GLB1: variants seen among roughly 807,000 people sequenced by gnomAD.
GLB1 encodes galactosidase beta 1.
GLB1 carries 56 observed loss-of-function variants against 74.0 expected under a neutral mutation model. That is an observed-to-expected ratio of 0.76 (90% confidence interval 0.61 to 0.94). GLB1 has a LOEUF of 0.94. Ranked by LOEUF, GLB1 falls within the 40% of genes least tolerant of loss-of-function variation. The pLI is 0.00. For synonymous variants in GLB1, 323 were observed against 323.6 expected, an observed-to-expected ratio of 1.00 and a Z score of 0.02; for missense variants, 787 against 845.5, an observed-to-expected ratio of 0.93 and a Z score of 0.86.
At chr3:32,975,830 G>A in the GLB1 span, among the ~76,000 whole-genome samples, 14 of 152,186 alleles carry the variant, frequency 9.2e-5, no homozygotes, top group Non-Finnish European at 1.9e-4. Flanking sequence ...CTATCTGGAG[G>A]AGAATAAAGT....
Position 33,093,896 on chromosome 3 carries a change from GA to G in GLB1, c.75+3114del. On this transcript the variant is annotated intron_variant, in intron 1 of 15. Transcript: ENST00000307363. The surrounding 1 kb of genome is among the most constrained non-coding windows in gnomAD (Gnocchi z 6.0). Reference sequence around the variant, plus strand: ...CGGCCACTAAAAAGAACATGGTAAAGAAACTGGAATGGGCCAGGGCCAGAAA... The same window carrying G: ...CGGCCACTAAAAAGAACATGGTAAAGAACTGGAATGGGCCAGGGCCAGAAA... The G allele has an allele frequency of 6.2e-7, 1 of 1,613,992 alleles. No homozygotes were observed. Among genetic ancestry groups the G allele is most frequent in the Non-Finnish European group, 8.5e-7 (1 of 1,179,976 alleles).
the GLB1 span, among the ~76,000 whole-genome samples, chr3:32,991,459 T>G: frequency 6.6e-6 from 1 of 152,156 alleles, no homozygotes; most frequent in East Asian, 1.9e-4. Flanking sequence ...TGGCCACACA[T>G]TCTTTGTCAT....
At chr3:33,094,289 C>T in intron 1 of GLB1, 6 of 1,509,830 alleles carry the variant, frequency 4.0e-6, no homozygotes, top group Non-Finnish European at 4.4e-6. Context: ...GGAGAGGTTT[C>T]CAGGTCAACT....
At chr3:33,010,503 T>C (rs66862530) in intron 15 of GLB1, among the ~76,000 whole-genome samples, 12,618 of 152,308 alleles carry the variant, frequency 0.083, 594 homozygotes, top group African/African-American at 0.1. Context: ...TATTATTGAA[T>C]TGTAAGAATT....
chr3:33,022,564 A>ATCTTTTTTTTTTTTT (rs1697538426), intron 11 of GLB1, among the ~76,000 whole-genome samples: 1 of 63,746 alleles, frequency 1.6e-5, no homozygotes, highest in African/African-American at 5.1e-5. Flanking sequence ...ACTGGTTAGG[A>ATCTTTTTTTTTTTTT]TTTTTTTTTT....
chr3:33,073,347 T>C (rs926345069), intron 1 of GLB1, among the ~76,000 whole-genome samples: 10 of 152,178 alleles, frequency 6.6e-5, no homozygotes, highest in Non-Finnish European at 1.3e-4. Context: ...CATGACCTGA[T>C]TTGTGAATAA....
chr3:33,021,520 C>T (rs146861526), intron 12 of GLB1, 46 bp downstream of exon 12: 2 of 1,595,796 alleles, frequency 1.3e-6, no homozygotes, highest in Admixed American at 3.5e-5. Flanking sequence ...AGAAAGCACA[C>T]TTTTGCAAGT....
rs372511262 is a variant in GLB1, at chr3:33,023,032, T to C, written c.1143+1219A>G. On this transcript the variant is annotated intron_variant, in intron 11 of 15. Coordinates refer to ENST00000307363, the MANE Select transcript of GLB1 (RefSeq NM_000404.4). The stretch of plus-strand genomic sequence containing the variant: ...ACTTATTTTCTATATAACTGTGTTC[T>C]ACATAAACTTAATTCAGTTATATGC... 2.6e-5 allele frequency among the ~76,000 whole-genome samples: 4 copies of C among 152,262 alleles called. No individual in the cohort carries two copies. In the East Asian group the frequency reaches 7.7e-4, roughly 29 times the overall value.
At chr3:33,022,244 A>G (rs1049799911) in intron 11 of GLB1, among the ~76,000 whole-genome samples, 2 of 152,184 alleles carry the variant, frequency 1.3e-5, no homozygotes, top group African/African-American at 2.4e-5. Flanking sequence ...TGCCCAGAAC[A>G]TAGTAAATGC....
intron 1 of GLB1, chr3:33,092,377 T>C: frequency 1.0e-6 from 1 of 989,216 alleles, no homozygotes; most frequent in Non-Finnish European, 1.2e-6. Flanking sequence ...ACACTACCCC[T>C]TCCCCAGAAA....
At chr3:32,982,506 AC>A in the GLB1 span, among the ~76,000 whole-genome samples, 1 of 152,082 alleles carries the variant, frequency 6.6e-6, no homozygotes, top group Admixed American at 6.6e-5. Flanking sequence ...ACAAACAACA[AC>A]AAAAAAAACC....
At chr3:33,000,924 C>G (rs1230910541) in intron 15 of GLB1, among the ~76,000 whole-genome samples, 2 of 152,134 alleles carry the variant, frequency 1.3e-5, no homozygotes, top group Non-Finnish European at 2.9e-5. Flanking sequence ...GCTGCAGCCT[C>G]CTCACAGTCT....
chr3:33,091,237 C>A (rs1700745672), intron 1 of GLB1: 8 of 985,496 alleles, frequency 8.1e-6, no homozygotes, highest in Non-Finnish European at 9.6e-6. Flanking sequence ...ACATTTTAAA[C>A]TGCATGGTAT....
intron 5 of GLB1, among the ~76,000 whole-genome samples, chr3:33,064,266 C>T (rs1004503241): frequency 5.3e-5 from 8 of 149,810 alleles, no homozygotes; most frequent in African/African-American, 2.0e-4. Flanking sequence ...TGGTGAAACC[C>T]TGTCTCTACT....
intron 1 of GLB1, among the ~76,000 whole-genome samples, chr3:33,087,585 A>ATG (rs1559419377): frequency 8.3e-5 from 5 of 60,564 alleles, no homozygotes; most frequent in Non-Finnish European, 1.7e-4. Flanking sequence ...GCGCGCACAC[A>ATG]CACACACACA....
chr3:33,020,140 G>A (rs1245290937), intron 12 of GLB1, among the ~76,000 whole-genome samples: 6 of 152,186 alleles, frequency 3.9e-5, no homozygotes, highest in Admixed American at 3.3e-4. Context: ...TGGGTGCTAG[G>A]ACTGCAGAGT....
chr3:33,041,963 C>T (rs1698520302), intron 10 of GLB1, among the ~76,000 whole-genome samples: 1 of 152,094 alleles, frequency 6.6e-6, no homozygotes, highest in East Asian at 1.9e-4. Context: ...ATCTTCCCCC[C>T]ACATAAATGG....
At chr3:33,070,644 G>C (rs1239432295) in intron 2 of GLB1, among the ~76,000 whole-genome samples, 2 of 152,168 alleles carry the variant, frequency 1.3e-5, no homozygotes, top group African/African-American at 4.8e-5. Flanking sequence ...AGGAGTTGAA[G>C]ACCACCATGG....
chr3:33,001,565 T>C (rs183393388), intron 15 of GLB1, among the ~76,000 whole-genome samples: 1 of 152,358 alleles, frequency 6.6e-6, no homozygotes, highest in East Asian at 1.9e-4. Flanking sequence ...CTAGTTATTA[T>C]CATGATTTGA....
Sources: gnomAD v4.1 joint callset for allele counts (sites outside exome capture counted in the v4.1 genomes callset) on GRCh38, gnomAD v4.1.1 for gene constraint, Gnocchi (gnomAD v3.1) non-coding constraint, MANE v1.5 for transcripts, NCBI Gene and HGNC (gene_info 2026-07-23, HGNC 2026-07-21) for gene names.